The following DGKB variants were observed in gnomAD, a reference collection of about 807,000 sequenced individuals.
DGKB encodes 90 kDa diacylglycerol kinase.
A neutral mutation model predicts 114.3 loss-of-function variants in DGKB; 67 were observed. The ratio of observed to expected loss-of-function variants is 0.59; its 90% CI spans 0.48 to 0.72. DGKB has a LOEUF of 0.72. Among genes scored for constraint, DGKB ranks in the 30% least tolerant of loss-of-function variants. DGKB has a pLI of 0.00. For synonymous variants in DGKB, 398 were observed against 323.1 expected, an observed-to-expected ratio of 1.23 and a Z score of -2.49; for missense variants, 907 against 975.2, an observed-to-expected ratio of 0.93 and a Z score of 0.93.
At chr7:14,598,648 G>C (rs1221381265) in intron 17 of DGKB, among the ~76,000 whole-genome samples, 2 of 152,110 alleles carry the variant, frequency 1.3e-5, no homozygotes, top group Non-Finnish European at 2.9e-5. Flanking sequence ...TTGAAATTCA[G>C]ATTATTTTTA....
At chr7:14,312,194 T>C (rs1042679560) in intron 23 of DGKB, among the ~76,000 whole-genome samples, 29 of 152,214 alleles carry the variant, frequency 1.9e-4, no homozygotes, top group African/African-American at 7.0e-4. Context: ...TCTTGACCCC[T>C]ATTATAATGC....
chr7:14,875,542 G>A (rs913476281), intron 1 of DGKB, among the ~76,000 whole-genome samples: 1 of 152,080 alleles, frequency 6.6e-6, no homozygotes, highest in African/African-American at 2.4e-5. Context: ...TTTATTTATT[G>A]GTAAAAGTAG....
intron 23 of DGKB, among the ~76,000 whole-genome samples, chr7:14,283,379 G>A (rs1800296192): frequency 6.6e-6 from 1 of 151,474 alleles, no homozygotes; most frequent in Non-Finnish European, 1.5e-5. Context: ...CACACAAATG[G>A]AAGAACATTC....
At chr7:14,671,794 AC>A (rs1318884810) in intron 13 of DGKB, among the ~76,000 whole-genome samples, 2 of 152,268 alleles carry the variant, frequency 1.3e-5, no homozygotes, top group East Asian at 3.9e-4. Context: ...TATAAATAAT[AC>A]AAAAATTCTA....
At chr7:14,887,978 C>A (rs540037835) in intron 1 of DGKB, among the ~76,000 whole-genome samples, 2 of 151,624 alleles carry the variant, frequency 1.3e-5, no homozygotes, top group Non-Finnish European at 3.0e-5. Flanking sequence ...CATTGTTTTC[C>A]CAATACCTGT....
rs142278091 is a variant in DGKB, at chr7:14,273,488, T to A, written c.2122+65027A>T. On this transcript the variant is annotated intron_variant, in intron 23 of 25. Transcript: ENST00000402815. ...ACATATGTAGTTTATGGATTCAGGG[T>A]CATTGTTCTATAGTCAGAGCCAAGA... 5.9e-5 allele frequency among the ~76,000 whole-genome samples: 9 copies of A among 152,350 alleles called. No individual in the cohort carries two copies. The East Asian group carries it at 7.7e-4, about 13-fold the overall frequency.
intron 6 of DGKB, among the ~76,000 whole-genome samples, chr7:14,716,927 T>G (rs1348109655): frequency 6.6e-6 from 1 of 151,354 alleles, no homozygotes; most frequent in Non-Finnish European, 1.5e-5. Context: ...AAGAAGAGTC[T>G]GAAGAAATGG....
At chr7:14,911,277 G>C (rs1049646645) in intron 1 of DGKB, among the ~76,000 whole-genome samples, 12 of 152,190 alleles carry the variant, frequency 7.9e-5, no homozygotes, top group African/African-American at 2.6e-4. Flanking sequence ...AATAAGTGTA[G>C]TTGTGTAAGG....
At chr7:14,690,367 C>T (rs529620500) in intron 9 of DGKB, among the ~76,000 whole-genome samples, 8 of 152,194 alleles carry the variant, frequency 5.3e-5, no homozygotes, top group Non-Finnish European at 1.0e-4. Context: ...AATTTGATGA[C>T]GTTCACTGCT....
At chr7:14,830,891 A>G (rs1429468974) in intron 2 of DGKB, among the ~76,000 whole-genome samples, 1 of 151,656 alleles carries the variant, frequency 6.6e-6, no homozygotes, top group Non-Finnish European at 1.5e-5. Flanking sequence ...TAATATTTGT[A>G]AGAAAAACTG....
In DGKB at chr7:14,232,539, AC is replaced by A. The variant is rs144840517; in HGVS notation, c.2123-54389del. Among the ~76,000 whole-genome samples the A allele has an allele frequency of 7.0e-3, 1,069 of 151,956 alleles. 13 individuals carry two copies. The highest frequency in any genetic ancestry group is 0.025 in the African/African-American group (1,019 of 41,458). Reference sequence around the variant, plus strand: ...ATGGCACTATATCCAGACCCTGGAGACAAAAGCAAGAGAATCATAAGAGTGA... The same window carrying A: ...ATGGCACTATATCCAGACCCTGGAGAAAAAGCAAGAGAATCATAAGAGTGA... On this transcript the variant is annotated intron_variant, in intron 23 of 25. Coordinates refer to ENST00000402815, the MANE Select transcript of DGKB (RefSeq NM_001350709.2).
chr7:14,840,999 T>C (rs1485965133), intron 2 of DGKB, among the ~76,000 whole-genome samples, 195 bp downstream of exon 2: 2 of 152,140 alleles, frequency 1.3e-5, no homozygotes, highest in Non-Finnish European at 2.9e-5. Context: ...CAAGATGTAA[T>C]ACTTGATTTA....
At chr7:14,356,351 TC>T (rs1487727862) in intron 21 of DGKB, among the ~76,000 whole-genome samples, 56 of 144,732 alleles carry the variant, frequency 3.9e-4, no homozygotes, top group Non-Finnish European at 7.1e-4. Context: ...CTTCTCTAGT[TC>T]TTTTTTTTTT....
chr7:14,268,531 A>T (rs931228406), intron 23 of DGKB, among the ~76,000 whole-genome samples: 1 of 152,224 alleles, frequency 6.6e-6, no homozygotes, highest in Non-Finnish European at 1.5e-5. Context: ...GTAAAAGCAC[A>T]TGAGAAATTC....
At chr7:14,664,442 C>T (rs1817676176) in intron 13 of DGKB, among the ~76,000 whole-genome samples, 1 of 151,976 alleles carries the variant, frequency 6.6e-6, no homozygotes, top group African/African-American at 2.4e-5. Flanking sequence ...CAAAGTTAAT[C>T]ATTTAAGCTC....
intron 23 of DGKB, among the ~76,000 whole-genome samples, chr7:14,302,174 T>A (rs960215057): frequency 2.0e-5 from 3 of 152,100 alleles, no homozygotes; most frequent in African/African-American, 7.2e-5. Flanking sequence ...TATATAATGT[T>A]TAGGAATGTA....
intron 2 of DGKB, among the ~76,000 whole-genome samples, chr7:14,770,932 G>A (rs1837314221): frequency 6.6e-6 from 1 of 151,888 alleles, no homozygotes; most frequent in African/African-American, 2.4e-5. Context: ...CCATTCCTGG[G>A]CCTTGAAGCG....
chr7:14,511,149 G>A (rs913291016), intron 20 of DGKB, among the ~76,000 whole-genome samples: 7 of 152,172 alleles, frequency 4.6e-5, no homozygotes, highest in Non-Finnish European at 8.8e-5. Context: ...CCAGTCCTTT[G>A]AAGCTTTGAA....
intron 2 of DGKB, among the ~76,000 whole-genome samples, chr7:14,759,423 C>T (rs1026810404): frequency 6.6e-6 from 1 of 152,092 alleles, no homozygotes; most frequent in Non-Finnish European, 1.5e-5. Context: ...TATTTTCTCC[C>T]CTCTAACCTC....
Sources: allele counts gnomAD v4.1 joint callset (sites outside exome capture counted in the v4.1 genomes callset), GRCh38; gene constraint gnomAD v4.1.1; transcripts MANE v1.5; gene names NCBI Gene and HGNC (gene_info 2026-07-23, HGNC 2026-07-21).